Variants in DDX60L observed in about 807,000 individuals in gnomAD.
The protein encoded by DDX60L is probable ATP-dependent RNA helicase DDX60-like.
DDX60L carries 191 observed loss-of-function variants against 211.6 expected under a neutral mutation model. The ratio of observed to expected loss-of-function variants is 0.90; its 90% CI spans 0.80 to 1.02. The LOEUF is 1.02. Among genes scored for constraint, DDX60L ranks in the 50% least tolerant of loss-of-function variants. The pLI, the probability that DDX60L is intolerant of heterozygous loss-of-function variation, is 0.00. For synonymous variants in DDX60L, 706 were observed against 694.1 expected (o/e 1.02, Z -0.27); for missense variants, 2,007 against 1,984.1 (o/e 1.01, Z -0.22).
In DDX60L at chr4:168,357,433, G is replaced by C; in HGVS notation, c.*714C>G. On this transcript the variant is annotated 3_prime_UTR_variant, in exon 38 of 38. Coordinates refer to ENST00000682922, the MANE Select transcript of DDX60L (RefSeq NM_001012967.3). ...AAAGTTCAAGATCATGGTGTAAGTAGATTCAGTTCTGTTGAGGGCTTGCTT... is the reference window on the plus strand; with the variant it reads ...AAAGTTCAAGATCATGGTGTAAGTACATTCAGTTCTGTTGAGGGCTTGCTT... 6.6e-6 allele frequency: 1 copy of C among 152,236 alleles called. No homozygotes were observed. Among genetic ancestry groups the C allele is most frequent in the Non-Finnish European group, 1.5e-5 (1 of 68,110 alleles). 9.4% of individuals were successfully genotyped at this position (152,236 alleles called of 1,614,324 possible).
chr4:168,400,872 C>A lies in DDX60L; in HGVS notation c.3445G>T (p.Ala1149Ser), dbSNP rs373118531. ...ACTTTTTCAAGTACTTCATCTATTG[C>A]AAAGACATAACTATGACATTCAGTG... ...PHTECHSYVF[A>S]IDEVLEKVRK... The change falls in exon 26 of 38, where the codon GCA becomes TCA. Residue 1149 changes from alanine to serine, a missense_variant. Ala to Ser is a moderately conservative substitution (Grantham distance 99). Coordinates refer to ENST00000682922, the MANE Select transcript of DDX60L (RefSeq NM_001012967.3). The A allele has an allele frequency of 2.5e-6, 4 of 1,613,344 alleles. No individual in the cohort carries two copies. In the African/African-American group the frequency reaches 5.3e-5, roughly 22 times the overall value.
At chr4:168,419,527 G>T in intron 18 of DDX60L, 130 bp from the exon 19 acceptor site, 3 of 520,266 alleles carry the variant, frequency 5.8e-6, no homozygotes, top group South Asian at 3.6e-5. Context: ...CATCTTTGAC[G>T]TTTTTCATTT....
rs1465646597 is a variant in DDX60L at position 168,420,286 on chromosome 4, T to C, written c.2489A>G (p.Tyr830Cys). The change falls in exon 18 of 38, where the codon TAT becomes TGT. Residue 830 changes from tyrosine to cysteine, a missense_variant. By Grantham distance (194) the Tyr-to-Cys change is radical. Transcript: ENST00000682922. ...CTGACAGTTTAGTACATTGTGACAA[T>C]AATCTCTTGTAAAAGCACCGCATAG... ...RTLCGAFTRD[Y>C]CHNVLNCQVL... 2.5e-6 allele frequency: 4 copies of C among 1,603,898 alleles called. No homozygotes were observed. The East Asian group carries it at 6.7e-5, about 27-fold the overall frequency.
At position 168,415,469 on chromosome 4, in the gene DDX60L, A is replaced by G; in HGVS notation, c.2918T>C (p.Val973Ala). The G allele has an allele frequency of 6.2e-7, 1 of 1,606,988 alleles. No homozygotes were observed. The highest frequency in any genetic ancestry group is 8.5e-7 in the Non-Finnish European group (1 of 1,175,676). Residue 973 changes from valine (V) to alanine (A), a missense_variant, in exon 22 of 38, where the codon GTA becomes GCA. Coordinates refer to ENST00000682922, the MANE Select transcript of DDX60L (RefSeq NM_001012967.3). ...ATCAAAATAAACATCATCATGTTTTACTGAACATATATGCTTCTCTAAATC... is the reference window on the plus strand; with the variant it reads ...ATCAAAATAAACATCATCATGTTTTGCTGAACATATATGCTTCTCTAAATC... Reference protein sequence around the residue: ...YNDLEKHICSVKHDDVYFDHF... With the variant: ...YNDLEKHICSAKHDDVYFDHF...
chr4:168,376,843 T>C (rs1742032659), intron 33 of DDX60L, among the ~76,000 whole-genome samples: 1 of 152,210 alleles, frequency 6.6e-6, no homozygotes, highest in African/African-American at 2.4e-5. Context: ...ATCATGATTT[T>C]TGCTATAGTT....
chr4:168,454,622 A>C (rs1255943684), intron 7 of DDX60L, among the ~76,000 whole-genome samples: 1 of 152,150 alleles, frequency 6.6e-6, no homozygotes, highest in African/African-American at 2.4e-5. Context: ...GAATTAATAA[A>C]TGTGTTATCA....
rs61742503 is a variant in DDX60L at position 168,394,589 on chromosome 4, C to T, written c.3686G>A (p.Arg1229Gln). Residue 1229 changes from arginine to glutamine, a missense_variant, in exon 28 of 38, where the codon CGA (arginine) becomes CAA (glutamine). Transcript: ENST00000682922. ...CAGTTCTTTGCCGTGTCTTGTAAAT[C>T]GCACTCGCGGTAATACCCTCTCCAA... ...STLERVLPRVRFTRHGKELKA... is the reference protein window; with the variant it reads ...STLERVLPRVQFTRHGKELKA... 2.6e-4 allele frequency: 417 copies of T among 1,613,232 alleles called. 2 individuals are homozygous for T. The African/African-American group carries it at 4.3e-3, about 17-fold the overall frequency.
intron 17 of DDX60L, 24 bp from the exon 18 acceptor site, chr4:168,420,404 T>C (rs373123231): frequency 1.9e-6 from 3 of 1,591,606 alleles, no homozygotes; most frequent in East Asian, 2.3e-5. Context: ...AAAAAAACCA[T>C]TAGTCACTTA....
rs146098906 is a variant in DDX60L at position 168,439,061 on chromosome 4, G to A, written c.1294+2276C>T. Among the ~76,000 whole-genome samples the A allele has an allele frequency of 1.6e-4, 24 of 152,268 alleles. No individual in the cohort carries two copies. The East Asian group carries it at 4.6e-3, about 29-fold the overall frequency. ...GTTAACATGCCGTTGGTTGTATGCA[G>A]TATAGTTGTATCATGTTAAGCACAA... On this transcript the variant is annotated intron_variant, in intron 10 of 37. Coordinates refer to ENST00000682922, the MANE Select transcript of DDX60L (RefSeq NM_001012967.3).
intron 36 of DDX60L, among the ~76,000 whole-genome samples, chr4:168,363,012 T>A (rs1739361383): frequency 6.6e-6 from 1 of 152,164 alleles, no homozygotes. Context: ...AGGCACATTA[T>A]AACCAAACTG....
rs1231288086 is a variant in DDX60L, at chr4:168,358,096, C to T, written c.*51G>A. ...TTGTGTAAGCTTAATTATATCTCTCCTTGCAAAGGGATAAATACCACATAA... is the reference window on the plus strand; with the variant it reads ...TTGTGTAAGCTTAATTATATCTCTCTTTGCAAAGGGATAAATACCACATAA... On this transcript the variant is annotated 3_prime_UTR_variant, in exon 38 of 38. Coordinates refer to ENST00000682922, the MANE Select transcript of DDX60L (RefSeq NM_001012967.3). The T allele has an allele frequency of 6.5e-7, 1 of 1,526,914 alleles. No homozygotes were observed. Among genetic ancestry groups the T allele is most frequent in the African/African-American group, 1.4e-5 (1 of 71,670 alleles). 94.6% of individuals were successfully genotyped at this position (1,526,914 alleles called of 1,614,324 possible).
chr4:168,373,837 G>A (rs771158208), intron 34 of DDX60L, 29 bp from the exon 35 acceptor site: 5 of 1,603,602 alleles, frequency 3.1e-6, no homozygotes, highest in Non-Finnish European at 4.3e-6. Context: ...GTCACGTTAG[G>A]TTTTAAAAAT....
intron 19 of DDX60L, among the ~76,000 whole-genome samples, chr4:168,418,209 G>A (rs563144801): frequency 1.3e-5 from 2 of 152,164 alleles, no homozygotes; most frequent in South Asian, 2.1e-4. Context: ...CTGAGATTAC[G>A]GGAGCATGCC....
chr4:168,451,079 C>A (rs1410472035), intron 8 of DDX60L, among the ~76,000 whole-genome samples: 1 of 152,142 alleles, frequency 6.6e-6, no homozygotes, highest in South Asian at 2.1e-4. Context: ...ATATCATATT[C>A]TCCCAGATTT....
intron 37 of DDX60L, 89 bp downstream of exon 37, chr4:168,361,060 A>G (rs1011573240): frequency 1.1e-5 from 11 of 984,360 alleles, no homozygotes; most frequent in African/African-American, 1.6e-5. Flanking sequence ...CTCCTTCATG[A>G]GAATCACAAA....
chr4:168,391,955 A>G (rs6841029), intron 28 of DDX60L, among the ~76,000 whole-genome samples: 5,118 of 152,260 alleles, frequency 0.034, 300 homozygotes, highest in African/African-American at 0.12. Flanking sequence ...TAAAATAACC[A>G]TGTTTACTTG....
intron 26 of DDX60L, among the ~76,000 whole-genome samples, chr4:168,396,368 C>A (rs1745791943): frequency 6.6e-6 from 1 of 152,060 alleles, no homozygotes; most frequent in African/African-American, 2.4e-5. Context: ...CTCCTTCACA[C>A]TGTAACAGAT....
In DDX60L at chr4:168,406,678, A is replaced by G. The variant is rs1747804674; in HGVS notation, c.3008T>C (p.Leu1003Pro). The change falls in exon 23 of 38, where the codon CTT becomes CCT. Residue 1003 changes from leucine (L) to proline (P), a missense_variant. By Grantham distance (98) the Leu-to-Pro change is moderately conservative. Transcript: ENST00000682922. Reference protein sequence around the residue: ...IIEKYGFPPDLTLTPQESIQL... With the variant: ...IIEKYGFPPDPTLTPQESIQL... Reference sequence around the variant, plus strand: ...GATGCTTTCTTGAGGGGTGAGGGTAAGATCAGGTGGGAATCCATACTTTTC... The same window carrying G: ...GATGCTTTCTTGAGGGGTGAGGGTAGGATCAGGTGGGAATCCATACTTTTC... 1 of 1,604,418 alleles carries G rather than the reference A, an allele frequency of 6.2e-7. No individual in the cohort carries two copies. Among genetic ancestry groups the G allele is most frequent in the East Asian group, 2.2e-5 (1 of 44,642 alleles).
intron 30 of DDX60L, among the ~76,000 whole-genome samples, chr4:168,383,643 T>G (rs974745377): frequency 9.2e-5 from 14 of 152,158 alleles, no homozygotes; most frequent in African/African-American, 3.4e-4. Flanking sequence ...GAGGTAATTA[T>G]TTAGCTCACG....
Sources: gnomAD v4.1 joint callset for allele counts (sites outside exome capture counted in the v4.1 genomes callset) on GRCh38, gnomAD v4.1.1 for gene constraint, MANE v1.5 for transcripts, NCBI Gene and HGNC (gene_info 2026-07-23, HGNC 2026-07-21) for gene names.